Variants in IQCJ observed in about 807,000 individuals in gnomAD.
The protein encoded by IQCJ is IQ motif containing J.
Under a neutral mutation model 11.0 loss-of-function variants are expected in IQCJ, and 9 were observed. The ratio of observed to expected loss-of-function variants is 0.82; its 90% CI spans 0.49 to 1.43. IQCJ has a LOEUF of 1.43. Among genes scored for constraint, IQCJ ranks in the 40% most tolerant of loss-of-function variants. The pLI is 0.00. For missense variants in IQCJ, 146 were observed against 133.2 expected (o/e 1.10, Z -0.47); for synonymous variants, 55 against 51.3 (o/e 1.07, Z -0.31).
At chr3:159,183,626 T>A (rs1723220768) in intron 1 of IQCJ, among the ~76,000 whole-genome samples, 1 of 152,234 alleles carries the variant, frequency 6.6e-6, no homozygotes, top group Admixed American at 6.5e-5. Context: ...AATAAAGTTT[T>A]ATTTCTTGAT....
intron 1 of IQCJ, among the ~76,000 whole-genome samples, chr3:159,130,856 TTTTG>T (rs151211853): frequency 6.6e-6 from 1 of 152,282 alleles, no homozygotes; most frequent in African/African-American, 2.4e-5. Context: ...AATATAGTTT[TTTTG>T]TTTGTTTATT....
intron 1 of IQCJ, among the ~76,000 whole-genome samples, chr3:159,195,143 T>A (rs1723912125): frequency 6.6e-6 from 1 of 151,982 alleles, no homozygotes; most frequent in Non-Finnish European, 1.5e-5. Flanking sequence ...CTGGAGCACG[T>A]TTCCATATCT....
intron 1 of IQCJ, among the ~76,000 whole-genome samples, chr3:159,212,550 A>T (rs1725012600): frequency 6.6e-6 from 1 of 152,208 alleles, no homozygotes; most frequent in South Asian, 2.1e-4. Flanking sequence ...ATCATGGGGC[A>T]TCCTCCAATA....
intron 1 of IQCJ, among the ~76,000 whole-genome samples, chr3:159,209,016 G>T (rs990562661): frequency 6.6e-6 from 1 of 152,134 alleles, no homozygotes; most frequent in African/African-American, 2.4e-5. Context: ...CCCTGGCAAG[G>T]GTTTCACTCA....
At chr3:159,108,020 A>AG (rs941368865) in intron 1 of IQCJ, among the ~76,000 whole-genome samples, 4 of 151,302 alleles carry the variant, frequency 2.6e-5, no homozygotes, top group African/African-American at 9.7e-5. Context: ...AAAAAAAAAA[A>AG]AAAAAGAAAA....
intron 3 of IQCJ, among the ~76,000 whole-genome samples, chr3:159,255,596 T>A (rs1727852370): frequency 6.6e-6 from 1 of 152,140 alleles, no homozygotes; most frequent in African/African-American, 2.4e-5. Flanking sequence ...TCAGAAAGTG[T>A]GGCTCAGTGA....
chr3:159,228,679 T>A (rs2108140887), intron 1 of IQCJ, among the ~76,000 whole-genome samples: 1 of 151,832 alleles, frequency 6.6e-6, no homozygotes, highest in African/African-American at 2.4e-5. Flanking sequence ...TAGTCCCAGC[T>A]ACTTGGGAGG....
intron 1 of IQCJ, among the ~76,000 whole-genome samples, chr3:159,201,538 T>A (rs147350057): frequency 4.0e-5 from 6 of 148,290 alleles, no homozygotes; most frequent in Middle Eastern, 7.3e-3. Flanking sequence ...TGTGTGTGTG[T>A]AAAAACCATT....
At chr3:159,243,750 T>C (rs1727075984) in intron 1 of IQCJ, among the ~76,000 whole-genome samples, 1 of 152,202 alleles carries the variant, frequency 6.6e-6, no homozygotes, top group Non-Finnish European at 1.5e-5. Flanking sequence ...TCATACTTTG[T>C]AAATTATACT....
intron 1 of IQCJ, among the ~76,000 whole-genome samples, chr3:159,158,885 G>A (rs916698636): frequency 2.0e-5 from 3 of 152,134 alleles, no homozygotes; most frequent in African/African-American, 4.8e-5. Context: ...TTTTAATCAG[G>A]TATGGTAAGA....
At chr3:159,091,259 G>A (rs1029143014) in intron 1 of IQCJ, among the ~76,000 whole-genome samples, 7 of 151,770 alleles carry the variant, frequency 4.6e-5, no homozygotes, top group Non-Finnish European at 8.8e-5. Context: ...AACATAGACT[G>A]GGTGCCGTAT....
At chr3:159,124,071 C>T (rs1719534237) in intron 1 of IQCJ, among the ~76,000 whole-genome samples, 1 of 152,168 alleles carries the variant, frequency 6.6e-6, no homozygotes, top group African/African-American at 2.4e-5. Context: ...CCTTAAATAT[C>T]ACCACCTGCC....
At chr3:159,235,038 T>C (rs1267758275) in intron 1 of IQCJ, among the ~76,000 whole-genome samples, 2 of 152,210 alleles carry the variant, frequency 1.3e-5, no homozygotes, top group Non-Finnish European at 2.9e-5. Flanking sequence ...AGTTGGTGTA[T>C]GGATTCACGT....
At chr3:159,185,340 G>A (rs1167308012) in intron 1 of IQCJ, among the ~76,000 whole-genome samples, 2 of 152,080 alleles carry the variant, frequency 1.3e-5, no homozygotes, top group Non-Finnish European at 2.9e-5. Flanking sequence ...CTAGCTGCAA[G>A]GGAGTTTCTA....
At chr3:159,264,570 G>T (rs1728396629), downstream of IQCJ, among the ~76,000 whole-genome samples, 1 of 152,134 alleles carries the variant, frequency 6.6e-6, no homozygotes, top group Admixed American at 6.5e-5. Context: ...TTAGCTCTGT[G>T]CTCATGTGCT....
At position 159,174,909 on chromosome 3, in the gene IQCJ, T is replaced by G. The variant is rs554982652; in HGVS notation, c.10-70934T>G. On this transcript the variant is annotated intron_variant, in intron 1 of 3. Coordinates refer to ENST00000397832, the MANE Select transcript of IQCJ (RefSeq NM_001042706.3). ...CTCTCTCAAGACAACGTATTTGAAA[T>G]AGAATTGCTGAGTCATAAGCTGTGA... Among the ~76,000 whole-genome samples, 46 of 152,294 alleles carry G rather than the reference T, an allele frequency of 3.0e-4. 1 individual carries two copies. The Middle Eastern group carries it at 0.01, about 34-fold the overall frequency.
In IQCJ at chr3:159,246,463, A is replaced by C. The variant is rs75871357; in HGVS notation, c.74+556A>C. 5.6e-3 allele frequency among the ~76,000 whole-genome samples: 849 copies of C among 152,330 alleles called. 56 individuals carry two copies. The East Asian group carries it at 0.14, about 25-fold the overall frequency. On this transcript the variant is annotated intron_variant, in intron 2 of 3. Coordinates refer to ENST00000397832, the MANE Select transcript of IQCJ (RefSeq NM_001042706.3). ...ATTTCCATTTCACGGATGAGGAAAAACAGGCTCAGCGAGGTTTCAGCAACT... is the reference window on the plus strand; with the variant it reads ...ATTTCCATTTCACGGATGAGGAAAACCAGGCTCAGCGAGGTTTCAGCAACT...
intron 1 of IQCJ, among the ~76,000 whole-genome samples, chr3:159,208,097 G>A (rs1577081436): frequency 6.6e-6 from 1 of 152,290 alleles, no homozygotes; most frequent in Non-Finnish European, 1.5e-5. Context: ...AGCTCATTGA[G>A]TCTTCATGGA....
rs57810703 is a variant in IQCJ, at chr3:159,116,614, GTATATATATATATATATA to G, written c.9+47212_9+47229del. 6.4e-3 allele frequency among the ~76,000 whole-genome samples: 368 copies of G among 57,632 alleles called. 2 individuals are homozygous for G. The highest frequency in any genetic ancestry group is 0.014 in the African/African-American group (240 of 17,258). The allele number at this position is 57,632 out of a possible 152,430, so 37.8% of individuals were successfully genotyped here. ...TTCTATTTTAGCATCCTGCTCATATGTATATATATATATATATATATATATATATATATATATATATAT... is the reference window on the plus strand; with the variant it reads ...TTCTATTTTAGCATCCTGCTCATATGTATATATATATATATATATATATAT... On this transcript the variant is annotated intron_variant, in intron 1 of 3. Coordinates refer to ENST00000397832, the MANE Select transcript of IQCJ (RefSeq NM_001042706.3).
Sources: gnomAD v4.1 joint callset for allele counts (sites outside exome capture counted in the v4.1 genomes callset) on GRCh38, gnomAD v4.1.1 for gene constraint, MANE v1.5 for transcripts, NCBI Gene and HGNC (gene_info 2026-07-23, HGNC 2026-07-21) for gene names.